EAF2: variants seen among roughly 807,000 people sequenced by gnomAD.
The protein encoded by EAF2 is ELL associated factor 2.
EAF2 carries 29 observed loss-of-function variants against 29.4 expected under a neutral mutation model. The ratio of observed to expected loss-of-function variants is 0.99; its 90% CI spans 0.73 to 1.35. The LOEUF (loss-of-function observed/expected upper bound fraction) is 1.35. EAF2 is among the 40% of genes most tolerant of loss of function. The probability of loss-of-function intolerance (pLI) is 0.00; values close to 1 mark genes in which losing one functional copy is unlikely to be tolerated. For synonymous variants in EAF2, 103 were observed against 102.5 expected (o/e 1.00, Z -0.03); for missense variants, 292 against 312.0 (o/e 0.94, Z 0.48).
chr3:121,841,231 T>C (rs1188670972), intron 1 of EAF2, among the ~76,000 whole-genome samples: 1 of 152,062 alleles, frequency 6.6e-6, no homozygotes, highest in East Asian at 1.9e-4. Context: ...CTACCGGGCA[T>C]GGTGGCTCAC....
chr3:121,868,392 A>C (rs998120282), intron 4 of EAF2, among the ~76,000 whole-genome samples: 2 of 152,168 alleles, frequency 1.3e-5, no homozygotes, highest in Non-Finnish European at 2.9e-5. Flanking sequence ...TGAGGTCAGG[A>C]GTTCGTGACC....
intron 2 of EAF2, among the ~76,000 whole-genome samples, chr3:121,853,430 T>A (rs1708667092): frequency 6.6e-6 from 1 of 152,188 alleles, no homozygotes; most frequent in African/African-American, 2.4e-5. Context: ...TTAATTTATC[T>A]TTTTTAGAGA....
Position 121,848,587 on chromosome 3 carries a change from T to C in EAF2, c.201+4040T>C, listed in dbSNP as rs531875411. On this transcript the variant is annotated intron_variant, in intron 2 of 5. Coordinates refer to ENST00000273668, the MANE Select transcript of EAF2 (RefSeq NM_018456.6). ...TGTCCCAAGAAAGGCAGGATCACTT[T>C]TTTTTTAGCAGTTTGAGTTGGTGTA... is the stretch of plus-strand genomic sequence containing the variant. 3.9e-5 allele frequency among the ~76,000 whole-genome samples: 6 copies of C among 152,178 alleles called. No homozygotes were observed. In the East Asian group the frequency reaches 1.2e-3, roughly 29 times the overall value.
chr3:121,836,745 T>C (rs959123681), intron 1 of EAF2: 1 of 987,674 alleles, frequency 1.0e-6, no homozygotes, highest in Admixed American at 6.1e-5. Flanking sequence ...GGTTTTTCCA[T>C]GCCTTTTTCT....
chr3:121,875,033 T>G (rs1709072430), intron 5 of EAF2, among the ~76,000 whole-genome samples: 1 of 151,824 alleles, frequency 6.6e-6, no homozygotes, highest in African/African-American at 2.4e-5. Context: ...AATGAGAACT[T>G]TTAGGGAAAC....
At chr3:121,875,116 T>C (rs1226286505) in intron 5 of EAF2, among the ~76,000 whole-genome samples, 3 of 152,018 alleles carry the variant, frequency 2.0e-5, no homozygotes, top group Admixed American at 2.0e-4. Context: ...GTTTTAATAG[T>C]TTAAATGTTC....
chr3:121,838,562 A>G (rs573375864), intron 1 of EAF2, among the ~76,000 whole-genome samples: 1 of 152,312 alleles, frequency 6.6e-6, no homozygotes, highest in Admixed American at 6.5e-5. Context: ...AGAAATGTAA[A>G]TAGATTCAGA....
intron 4 of EAF2, among the ~76,000 whole-genome samples, chr3:121,871,126 A>G (rs987865071): frequency 5.9e-5 from 9 of 151,848 alleles, no homozygotes; most frequent in Non-Finnish European, 1.0e-4. Context: ...AAACAACCCA[A>G]ATATCCATAA....
intron 5 of EAF2, among the ~76,000 whole-genome samples, chr3:121,882,747 G>C (rs1355660494): frequency 6.6e-6 from 1 of 150,956 alleles, no homozygotes; most frequent in African/African-American, 2.4e-5. Context: ...AAAGTCCGTA[G>C]TGTTTTTGTC....
intron 2 of EAF2, among the ~76,000 whole-genome samples, chr3:121,846,246 T>A (rs928411135): frequency 6.6e-6 from 1 of 152,330 alleles, no homozygotes; most frequent in South Asian, 2.1e-4. Flanking sequence ...TATGTCAGAC[T>A]GTGTCAGTTA....
chr3:121,884,303 G>A (rs1709241295), intron 5 of EAF2, among the ~76,000 whole-genome samples: 1 of 141,170 alleles, frequency 7.1e-6, no homozygotes, highest in South Asian at 2.2e-4. Flanking sequence ...TAGCGCCACT[G>A]TGCTCTAGCC....
intron 1 of EAF2, among the ~76,000 whole-genome samples, chr3:121,841,518 AAAAAAAAAAAAAAAAAAAAAAAAAAG>A (rs60807122): frequency 0.34 from 31,325 of 92,766 alleles, 5,031 homozygotes; most frequent in South Asian, 0.5. Flanking sequence ...AAAAAAAAAA[AAAAAAAAAAAAAAAAAAAAAAAAAAG>A]AAAGAAAGAA....
At chr3:121,863,921 G>T (rs1424816918) in intron 4 of EAF2, among the ~76,000 whole-genome samples, 3 of 152,050 alleles carry the variant, frequency 2.0e-5, no homozygotes, top group Non-Finnish European at 2.9e-5. Flanking sequence ...TGGCAATTGT[G>T]ATGACTCAAA....
chr3:121,882,787 GTT>G (rs55645396), intron 5 of EAF2, among the ~76,000 whole-genome samples: 16 of 146,066 alleles, frequency 1.1e-4, no homozygotes, highest in Non-Finnish European at 2.0e-4. Flanking sequence ...GGAGGTGGTG[GTT>G]TTTTTTTTTT....
chr3:121,866,686 C>G (rs139913279), intron 4 of EAF2, among the ~76,000 whole-genome samples: 2,551 of 151,924 alleles, frequency 0.017, 59 homozygotes, highest in Non-Finnish European at 0.019. Flanking sequence ...GATAGTGCCA[C>G]TGCGCTCCAG....
In EAF2 at chr3:121,886,444, T is replaced by A; in HGVS notation, c.*56T>A. 1 of 1,086,090 alleles carries A rather than the reference T, an allele frequency of 9.2e-7. No homozygotes were observed. The highest frequency in any genetic ancestry group is 1.2e-6 in the Non-Finnish European group (1 of 800,118). The allele number at this position is 1,086,090 out of a possible 1,614,324, so 67.3% of individuals were successfully genotyped here. Reference sequence around the variant, plus strand: ...ACAGCATGTATAATTTATTTTGTATTAACAATAAAAATTCCTAAGACTGAG... The same window carrying A: ...ACAGCATGTATAATTTATTTTGTATAAACAATAAAAATTCCTAAGACTGAG... On this transcript the variant is annotated 3_prime_UTR_variant, in exon 6 of 6. Transcript: ENST00000273668.
At chr3:121,884,533 T>G (rs1257893746) in intron 5 of EAF2, among the ~76,000 whole-genome samples, 2 of 151,568 alleles carry the variant, frequency 1.3e-5, no homozygotes, top group Non-Finnish European at 2.9e-5. Flanking sequence ...GTTCAAGTGA[T>G]TCTCCTGCCT....
intron 4 of EAF2, among the ~76,000 whole-genome samples, chr3:121,866,449 G>C (rs1459351435): frequency 6.6e-6 from 1 of 152,108 alleles, no homozygotes; most frequent in East Asian, 1.9e-4. Context: ...GTCCTGGCTG[G>C]GTGCGGTGGC....
At chr3:121,850,432 AT>A (rs1478674802) in intron 2 of EAF2, among the ~76,000 whole-genome samples, 1 of 151,428 alleles carries the variant, frequency 6.6e-6, no homozygotes, top group Non-Finnish European at 1.5e-5. Context: ...GGTGTTCATA[AT>A]GAGGCATATG....
Sources: allele counts gnomAD v4.1 joint callset (sites outside exome capture counted in the v4.1 genomes callset), GRCh38; gene constraint gnomAD v4.1.1; transcripts MANE v1.5; gene names NCBI Gene and HGNC (gene_info 2026-07-23, HGNC 2026-07-21).